Variants in TMEM63B observed in about 807,000 individuals in gnomAD.
The protein encoded by TMEM63B is mechanosensitive cation channel TMEM63B.
In TMEM63B, 23 loss-of-function variants were observed where a neutral mutation model predicts 102.6. The ratio of observed to expected loss-of-function variants is 0.22; its 90% CI spans 0.16 to 0.32. TMEM63B has a LOEUF of 0.32. Ranked by LOEUF, TMEM63B falls within the 10% of genes least tolerant of loss-of-function variation. The pLI, the probability that TMEM63B is intolerant of heterozygous loss-of-function variation, is 1.00. For missense variants in TMEM63B, 628 were observed against 1,095.9 expected (o/e 0.57, Z 6.03); for synonymous variants, 444 against 437.0 (o/e 1.02, Z -0.20).
chr6:44,138,736 G>C lies in TMEM63B; in HGVS notation c.407+219G>C, dbSNP rs1468537410. On this transcript the variant is annotated intron_variant, in intron 6 of 23. Coordinates refer to ENST00000323267, the MANE Select transcript of TMEM63B (RefSeq NM_018426.3). ...TAATCTCCTCTGTGACCCCCTGCCGGCCCCCCCGCTTCTCTCCCTGCCCTG... is the reference window on the plus strand; with the variant it reads ...TAATCTCCTCTGTGACCCCCTGCCGCCCCCCCCGCTTCTCTCCCTGCCCTG... The C allele has an allele frequency of 2.3e-4, 66 of 288,688 alleles. 3 individuals are homozygous for C. Among genetic ancestry groups the C allele is most frequent in the East Asian group, 1.2e-4 (2 of 16,910 alleles). 17.9% of individuals were successfully genotyped at this position (288,688 alleles called of 1,614,324 possible).
At chr6:44,127,168 A>ACCCCCCTCCCCGTCGGTACC (rs1777214429), upstream of TMEM63B, 1 of 79,414 alleles carries the variant, frequency 1.3e-5, no homozygotes, top group South Asian at 4.5e-4. Flanking sequence ...CCCCGTCGGG[A>ACCCCCCTCCCCGTCGGTACC]CCCCCCTCCC....
At position 44,155,072 on chromosome 6, in the gene TMEM63B, TGAG is replaced by T; in HGVS notation, c.*193_*195del. Reference sequence around the variant, plus strand: ...GAGGGAGGGAGCCCCCCAACCTCAGTGAGGAGAGCCCCGAGCCGGCCCCGGGGC... The same window carrying T: ...GAGGGAGGGAGCCCCCCAACCTCAGTGAGAGCCCCGAGCCGGCCCCGGGGC... On this transcript the variant is annotated 3_prime_UTR_variant, in exon 24 of 24. Coordinates refer to ENST00000323267, the MANE Select transcript of TMEM63B (RefSeq NM_018426.3). 1 of 540,728 alleles carries T rather than the reference TGAG, an allele frequency of 1.8e-6. No individual in the cohort carries two copies. The highest frequency in any genetic ancestry group is 3.0e-6 in the Non-Finnish European group (1 of 335,144). The allele number at this position is 540,728 out of a possible 1,614,324, so 33.5% of individuals were successfully genotyped here. A position where few individuals can be genotyped will look rare whatever the true frequency, so the allele number is the denominator to read the frequency against.
intron 10 of TMEM63B, among the ~76,000 whole-genome samples, chr6:44,142,821 G>T (rs572402063): frequency 1.3e-5 from 2 of 152,234 alleles, no homozygotes; most frequent in South Asian, 4.1e-4. Flanking sequence ...GACCAGCCTG[G>T]ACAACATGTC....
At position 44,139,506 on chromosome 6, in the gene TMEM63B, G is replaced by A. The variant is rs747393854; in HGVS notation, c.447G>A (p.Val149=). The A allele has an allele frequency of 3.7e-6, 6 of 1,614,086 alleles. No homozygotes were observed. The South Asian group carries it at 6.6e-5, about 18-fold the overall frequency. ...GGGACAAATGTGGGGGCGATGCCGT[G>A]CACTACCTGTCCTTTCAGCGGCACA... ...EIRDKCGGDA[V]HYLSFQRHII... The change falls in exon 7 of 24, where the codon GTG becomes GTA. Residue 149 remains valine (V), a synonymous_variant. Coordinates refer to ENST00000323267, the MANE Select transcript of TMEM63B (RefSeq NM_018426.3).
chr6:44,134,454 C>G, intron 1 of TMEM63B, 107 bp from the exon 2 acceptor site: 1 of 1,208,688 alleles, frequency 8.3e-7, no homozygotes, highest in South Asian at 1.6e-5. Context: ...TTCCATCCAC[C>G]CAGGCAGCCT....
At position 44,146,976 on chromosome 6, in the gene TMEM63B, T is replaced by G. The variant is rs372224849; in HGVS notation, c.863+49T>G. The G allele has an allele frequency of 6.3e-5, 101 of 1,591,892 alleles. No homozygotes were observed. The African/African-American group carries it at 1.1e-3, about 17-fold the overall frequency. ...GGTGACACCAAGGGCCCCCTGCCAT[T>G]GTGGAGGACATCTTGGCTACCACAC... On this transcript the variant is annotated intron_variant, in intron 11 of 23. Transcript: ENST00000323267.
intron 5 of TMEM63B, among the ~76,000 whole-genome samples, chr6:44,137,705 T>A (rs6925508): frequency 0.44 from 66,402 of 150,160 alleles, 15,812 homozygotes; most frequent in East Asian, 0.74. Flanking sequence ...TTTTTTTTTT[T>A]AATTTTTCCC....
rs770391172 is a variant in TMEM63B, at chr6:44,136,345, C to A, written c.279-4C>A. On this transcript the variant is annotated splice_polypyrimidine_tract_variant and splice_region_variant and intron_variant, in intron 4 of 23. Coordinates refer to ENST00000323267, the MANE Select transcript of TMEM63B (RefSeq NM_018426.3). The stretch of plus-strand genomic sequence containing the variant: ...CTCTGATCTCTCATCTCCCTCACCC[C>A]CAGTGTGGCTTCAGCTATGCACGGG... 20 of 1,613,770 alleles carry A rather than the reference C, an allele frequency of 1.2e-5. No individual in the cohort carries two copies. The highest frequency in any genetic ancestry group is 1.6e-5 in the Non-Finnish European group (19 of 1,179,824).
rs1765814521 is a variant in TMEM63B at position 44,148,140 on chromosome 6, T to C, written c.988-112T>C. ...GCTGTTTCCAAAAAAAAAAAAATGC[T>C]TAGAGGAGCAGTGCCTGGCTTGTAG... On this transcript the variant is annotated intron_variant, in intron 12 of 23. Transcript: ENST00000323267. This position sits in a 1 kb window ranked among gnomAD's most constrained non-coding sequence, Gnocchi z 5.1. 6.7e-7 allele frequency: 1 copy of C among 1,490,364 alleles called. No homozygotes were observed. Among genetic ancestry groups the C allele is most frequent in the South Asian group, 1.3e-5 (1 of 75,108 alleles). 92.3% of individuals were successfully genotyped at this position (1,490,364 alleles called of 1,614,324 possible). A position where few individuals can be genotyped will look rare whatever the true frequency, so the allele number is the denominator to read the frequency against.
rs1777462271 is a variant in TMEM63B, at chr6:44,127,697, C to T, written c.-25+19C>T. 1 of 150,484 alleles carries T rather than the reference C, an allele frequency of 6.6e-6. No individual in the cohort carries two copies. Among genetic ancestry groups the T allele is most frequent in the African/African-American group, 2.4e-5 (1 of 41,050 alleles). 9.3% of individuals were successfully genotyped at this position (150,484 alleles called of 1,614,324 possible). A position where few individuals can be genotyped will look rare whatever the true frequency, so the allele number is the denominator to read the frequency against. The stretch of plus-strand genomic sequence containing the variant: ...CCTGGGGGTGAGTACGCGACCCCTA[C>T]CCAGCCCTCGCTCTTTTCTTCGAAG... On this transcript the variant is annotated intron_variant, in intron 1 of 23. Transcript: ENST00000323267.
chr6:44,147,509 C>A lies in TMEM63B; in HGVS notation c.987+9C>A. ...TGCGAGGCTGTGAGCAGGTATGACG[C>A]GGGCTGGCTGTTGAGTCGGGAGAAG... On this transcript the variant is annotated intron_variant, in intron 12 of 23. Coordinates refer to ENST00000323267, the MANE Select transcript of TMEM63B (RefSeq NM_018426.3). The A allele has an allele frequency of 6.2e-7, 1 of 1,613,902 alleles. No individual in the cohort carries two copies. Among genetic ancestry groups the A allele is most frequent in the Non-Finnish European group, 8.5e-7 (1 of 1,179,860 alleles).
intron 5 of TMEM63B, chr6:44,138,247 A>G: frequency 2.7e-6 from 1 of 363,706 alleles, no homozygotes; most frequent in Non-Finnish European, 5.3e-6. Flanking sequence ...GGACATGGGG[A>G]TTCACAGATA....
chr6:44,135,658 C>T (rs1253615542), intron 4 of TMEM63B, among the ~76,000 whole-genome samples: 1 of 152,128 alleles, frequency 6.6e-6, no homozygotes, highest in Non-Finnish European at 1.5e-5. Context: ...GGGCTGTCCT[C>T]CAGGAAATCC....
intron 1 of TMEM63B, among the ~76,000 whole-genome samples, chr6:44,132,625 T>C (rs747615716): frequency 6.6e-6 from 1 of 152,192 alleles, no homozygotes; most frequent in Non-Finnish European, 1.5e-5. Flanking sequence ...GTGCATCTTA[T>C]GTTTACATAC....
At chr6:44,145,813 C>T (rs897041495) in intron 10 of TMEM63B, among the ~76,000 whole-genome samples, 1 of 152,102 alleles carries the variant, frequency 6.6e-6, no homozygotes, top group Non-Finnish European at 1.5e-5. Context: ...TGAACTATTC[C>T]TTCACTCAGC....
At chr6:44,146,484 T>C (rs1396284715) in intron 10 of TMEM63B, among the ~76,000 whole-genome samples, 1 of 151,136 alleles carries the variant, frequency 6.6e-6, no homozygotes, top group African/African-American at 2.4e-5. Context: ...GGAGTCTCGC[T>C]CTGTCGCCCA....
chr6:44,153,682 T>C lies in TMEM63B; in HGVS notation c.1949T>C (p.Met650Thr). 6.2e-7 allele frequency: 1 copy of C among 1,613,812 alleles called. No homozygotes were observed. Among genetic ancestry groups the C allele is most frequent in the Non-Finnish European group, 8.5e-7 (1 of 1,179,900 alleles). ...TCPIIVPFGL[M>T]YMLLKHLVDR... is the part of the protein sequence containing the mutation. ...CCCATGTGGCTTCCCTTAGGGCTCA[T>C]GTACATGCTGCTGAAGCACCTGGTA... The change falls in exon 21 of 24, where the codon ATG becomes ACG. Residue 650 changes from methionine to threonine, a missense_variant. Around this residue, in one of 6 missense-constraint regions of TMEM63B, gnomAD observed 90 missense variants for 136.7 expected, o/e 0.66. Transcript: ENST00000323267.
Position 44,150,638 on chromosome 6 carries a change from CTG to C in TMEM63B, c.1673+10_1673+11del. 6.2e-7 allele frequency: 1 copy of C among 1,613,932 alleles called. No individual in the cohort carries two copies. Among genetic ancestry groups the C allele is most frequent in the Non-Finnish European group, 8.5e-7 (1 of 1,179,884 alleles). ...GCAGCTATTCGGTTTGAGTGAGTGA[CTG>C]GGGCCCCTAGGGAAAGAGACCAGAC... is the stretch of plus-strand genomic sequence containing the variant. On this transcript the variant is annotated intron_variant, in intron 18 of 23. Coordinates refer to ENST00000323267, the MANE Select transcript of TMEM63B (RefSeq NM_018426.3). The surrounding 1 kb of genome is among the most constrained non-coding windows in gnomAD (Gnocchi z 4.7).
chr6:44,127,168 AC>A (rs72348651), upstream of TMEM63B: 7,368 of 79,482 alleles, frequency 0.093, 443 homozygotes, highest in East Asian at 0.28. Context: ...CCCCGTCGGG[AC>A]CCCCCTCCCC....
Sources: gnomAD v4.1 joint callset for allele counts (sites outside exome capture counted in the v4.1 genomes callset) on GRCh38, gnomAD v4.1.1 for gene constraint, gnomAD v4.1.1 regional missense constraint, Gnocchi (gnomAD v3.1) non-coding constraint, MANE v1.5 for transcripts, NCBI Gene and HGNC (gene_info 2026-07-23, HGNC 2026-07-21) for gene names.